Variants in MARK2 observed in about 807,000 individuals in gnomAD.
MARK2 encodes microtubule affinity regulating kinase 2.
In MARK2, 16 loss-of-function variants were observed where a neutral mutation model predicts 89.8. That is an observed-to-expected ratio of 0.18 (90% CI 0.12 to 0.27). The LOEUF (loss-of-function observed/expected upper bound fraction) is 0.27. Ranked by LOEUF, MARK2 falls within the 10% of genes least tolerant of loss-of-function variation. The pLI is 1.00. For missense variants in MARK2, 621 were observed against 1,049.9 expected (o/e 0.59, Z 5.65); for synonymous variants, 382 against 399.5 (o/e 0.96, Z 0.52).
intron 1 of MARK2, among the ~76,000 whole-genome samples, chr11:63,875,014 A>G (rs1591025559): frequency 6.6e-6 from 1 of 152,174 alleles, no homozygotes; most frequent in East Asian, 1.9e-4. Flanking sequence ...GCAGTGGTCT[A>G]ATCAAGGCTC....
intron 1 of MARK2, among the ~76,000 whole-genome samples, chr11:63,866,044 C>T (rs1396337182): frequency 6.6e-6 from 1 of 152,022 alleles, no homozygotes; most frequent in East Asian, 1.9e-4. Flanking sequence ...GGTTTTCATT[C>T]CCTCTTTCTC....
intron 1 of MARK2, among the ~76,000 whole-genome samples, chr11:63,846,072 C>T (rs1045851888): frequency 4.6e-5 from 7 of 152,052 alleles, no homozygotes; most frequent in African/African-American, 7.3e-5. Context: ...CTAAACAGCA[C>T]CCAGAGAGAA....
chr11:63,864,933 G>C (rs1938043430), intron 1 of MARK2, among the ~76,000 whole-genome samples: 2 of 152,118 alleles, frequency 1.3e-5, no homozygotes, highest in Admixed American at 1.3e-4. Flanking sequence ...GTCTGACTCT[G>C]TTGCCCAGGC....
rs771678139 is a variant in MARK2, at chr11:63,900,988, A to G, written c.1020A>G (p.Glu340=). ...TGGTGTCCATGGGTTATACACGGGAAGAGATCCAGGACTCGCTGGTGGGCC... is the reference window on the plus strand; with the variant it reads ...TGGTGTCCATGGGTTATACACGGGAGGAGATCCAGGACTCGCTGGTGGGCC... ...ELMVSMGYTR[E]EIQDSLVGQR... is the part of the protein sequence containing the mutation. Residue 340 remains glutamate, a synonymous_variant, in exon 11 of 19, where the codon GAA becomes GAG. Transcript: ENST00000402010. This position sits in a 1 kb window ranked among gnomAD's most constrained non-coding sequence, Gnocchi z 4.7. 6 of 1,611,358 alleles carry G rather than the reference A, an allele frequency of 3.7e-6. No homozygotes were observed. The Admixed American group carries it at 5.0e-5, about 13-fold the overall frequency.
chr11:63,892,322 G>A (rs1157567713), intron 1 of MARK2, among the ~76,000 whole-genome samples: 1 of 152,198 alleles, frequency 6.6e-6, no homozygotes, highest in Non-Finnish European at 1.5e-5. Flanking sequence ...AAGGCCCTAC[G>A]TGGGCACAGT....
At chr11:63,861,284 A>G (rs1937757535) in intron 1 of MARK2, among the ~76,000 whole-genome samples, 1 of 151,962 alleles carries the variant, frequency 6.6e-6, no homozygotes, top group African/African-American at 2.4e-5. Context: ...AAATACAAAA[A>G]ACGTAGCCAG....
Position 63,856,768 on chromosome 11 carries a change from G to GTTTTTTTT in MARK2, c.54+17238_54+17245dup, listed in dbSNP as rs71039681. 2.6e-4 allele frequency among the ~76,000 whole-genome samples: 14 copies of GTTTTTTTT among 53,796 alleles called. 4 individuals carry two copies. Among genetic ancestry groups the GTTTTTTTT allele is most frequent in the Non-Finnish European group, 3.6e-4 (11 of 30,958 alleles). 35.3% of individuals were successfully genotyped at this position (53,796 alleles called of 152,430 possible). A position where few individuals can be genotyped will look rare whatever the true frequency, so the allele number is the denominator to read the frequency against. On this transcript the variant is annotated intron_variant, in intron 1 of 18. Transcript: ENST00000402010. ...TTTTTTCCATTTTTAAATTTTTCAT[G>GTTTTTTTT]TTTTTTTTTTTTTTTTTTTTTTTTT...
intron 1 of MARK2, among the ~76,000 whole-genome samples, chr11:63,859,253 C>G (rs1235679593): frequency 2.0e-5 from 3 of 151,914 alleles, no homozygotes; most frequent in African/African-American, 7.2e-5. Context: ...GGCTTGAGAC[C>G]TGACATACTT....
intron 1 of MARK2, among the ~76,000 whole-genome samples, chr11:63,856,890 C>A (rs548811390): frequency 4.1e-5 from 6 of 145,030 alleles, no homozygotes; most frequent in African/African-American, 1.3e-4. Context: ...TCACTGCAAG[C>A]TCTGCCTCCC....
chr11:63,839,704 C>G (rs551693867), intron 1 of MARK2, 144 bp downstream of exon 1: 1 of 635,212 alleles, frequency 1.6e-6, no homozygotes, highest in Admixed American at 3.0e-5. Context: ...GGCTCCGGCT[C>G]CGCACATCCC....
At position 63,881,504 on chromosome 11, in the gene MARK2, A is replaced by G. The variant is rs114417556; in HGVS notation, c.55-13655A>G. Among the ~76,000 whole-genome samples the G allele has an allele frequency of 6.2e-3, 949 of 152,260 alleles. 13 individuals are homozygous for G. The highest frequency in any genetic ancestry group is 0.022 in the African/African-American group (909 of 41,540). On this transcript the variant is annotated intron_variant, in intron 1 of 18. Transcript: ENST00000402010. ...GAGAGTGGGCAACTTTAAAGATCAA[A>G]AAGTTGTGCCTCTCTTGTTCCCTAA...
intron 1 of MARK2, among the ~76,000 whole-genome samples, chr11:63,850,522 G>C (rs1209132456): frequency 1.3e-5 from 2 of 151,802 alleles, no homozygotes; most frequent in Non-Finnish European, 2.9e-5. Context: ...CTACTGGAGA[G>C]ATTCATGTAC....
Position 63,902,754 on chromosome 11 carries a change from GGAA to G in MARK2, c.1394_1396del (p.Lys465del). ...GCCAGCCCCCTGCCCGGTCTGGAGA[GGAA>G]GAAGACCACCCCAACCCCCTCCACG... On this transcript the variant is annotated inframe_deletion, in exon 13 of 19. Transcript: ENST00000402010. The surrounding 1 kb of genome is among the most constrained non-coding windows in gnomAD (Gnocchi z 4.2). 2 of 1,613,336 alleles carry G rather than the reference GGAA, an allele frequency of 1.2e-6. No individual in the cohort carries two copies. Among genetic ancestry groups the G allele is most frequent in the Non-Finnish European group, 1.7e-6 (2 of 1,179,940 alleles).
chr11:63,862,563 G>A (rs1202393687), intron 1 of MARK2, among the ~76,000 whole-genome samples: 1 of 152,134 alleles, frequency 6.6e-6, no homozygotes, highest in Non-Finnish European at 1.5e-5. Context: ...GGATGGAGTG[G>A]GAGCAGCTTT....
chr11:63,904,781 C>G lies in MARK2; in HGVS notation c.1677-5C>G, dbSNP rs1433041460. ...TCCCCCTCAACCCCACTTCTCTTCCCACAGCACAGCCCCCCAGCGTGTCCC... is the reference window on the plus strand; with the variant it reads ...TCCCCCTCAACCCCACTTCTCTTCCGACAGCACAGCCCCCCAGCGTGTCCC... On this transcript the variant is annotated splice_region_variant and splice_polypyrimidine_tract_variant and intron_variant, in intron 15 of 18. Transcript: ENST00000402010. This position sits in a 1 kb window ranked among gnomAD's most constrained non-coding sequence, Gnocchi z 6.3. 1.9e-6 allele frequency: 3 copies of G among 1,613,294 alleles called. No individual in the cohort carries two copies. The highest frequency in any genetic ancestry group is 3.3e-5 in the Admixed American group (2 of 60,002).
At chr11:63,899,321 G>C (rs1290133310) in intron 7 of MARK2, among the ~76,000 whole-genome samples, 1 of 151,850 alleles carries the variant, frequency 6.6e-6, no homozygotes, top group African/African-American at 2.4e-5. Context: ...CTGGACCTCG[G>C]GTTCCATTCT....
In MARK2 at chr11:63,902,052, G is replaced by T. The variant is rs776226774; in HGVS notation, c.1102-146G>T. 7 of 741,004 alleles carry T rather than the reference G, an allele frequency of 9.4e-6. No homozygotes were observed. Among genetic ancestry groups the T allele is most frequent in the Admixed American group, 8.2e-5 (3 of 36,782 alleles). The allele number at this position is 741,004 out of a possible 1,614,324, so 45.9% of individuals were successfully genotyped here. On this transcript the variant is annotated intron_variant, in intron 11 of 18. Coordinates refer to ENST00000402010, the MANE Select transcript of MARK2 (RefSeq NM_001039469.3). This position sits in a 1 kb window ranked among gnomAD's most constrained non-coding sequence, Gnocchi z 4.2. ...GTGTCTCCAGGGTCTCCTCCAGGGGGGATGTATTGGTCTTACAAGTGGATG... is the reference window on the plus strand; with the variant it reads ...GTGTCTCCAGGGTCTCCTCCAGGGGTGATGTATTGGTCTTACAAGTGGATG...
Position 63,902,305 on chromosome 11 carries a change from C to T in MARK2, c.1209C>T (p.Pro403=). The T allele has an allele frequency of 6.2e-7, 1 of 1,614,094 alleles. No individual in the cohort carries two copies. The highest frequency in any genetic ancestry group is 8.5e-7 in the Non-Finnish European group (1 of 1,179,980). ...HKVQRSVSAN[P]KQRRFSDQAA... ...TACAGCGCAGCGTGTCGGCCAATCC[C>T]AAGCAGCGGCGCTTCAGCGACCAGG... Residue 403 remains proline (P), a synonymous_variant, in exon 12 of 19, where the codon CCC becomes CCT. Transcript: ENST00000402010. This position sits in a 1 kb window ranked among gnomAD's most constrained non-coding sequence, Gnocchi z 4.2.
chr11:63,859,579 A>G (rs1291923133), intron 1 of MARK2, among the ~76,000 whole-genome samples: 1 of 151,592 alleles, frequency 6.6e-6, no homozygotes. Context: ...TTGGCCTCCC[A>G]AAGTACTAGG....
Sources: gnomAD v4.1 joint callset for allele counts (sites outside exome capture counted in the v4.1 genomes callset) on GRCh38, gnomAD v4.1.1 for gene constraint, Gnocchi (gnomAD v3.1) non-coding constraint, MANE v1.5 for transcripts, NCBI Gene and HGNC (gene_info 2026-07-23, HGNC 2026-07-21) for gene names.